ADGRV1: variants seen among roughly 807,000 people sequenced by gnomAD.
ADGRV1 encodes adhesion G protein-coupled receptor V1, also known as G-protein coupled receptor 98.
A neutral mutation model predicts 596.2 loss-of-function variants in ADGRV1; 359 were observed. The ratio of observed to expected loss-of-function variants is 0.60; its 90% CI spans 0.55 to 0.66. The LOEUF (loss-of-function observed/expected upper bound fraction) is 0.66. ADGRV1 is among the 30% of genes least tolerant of loss of function. The pLI is 0.00. For missense variants in ADGRV1, 7,274 were observed against 7,575.6 expected (o/e 0.96, Z 1.48); for synonymous variants, 2,681 against 2,679.2 (o/e 1.00, Z -0.02).
intron 25 of ADGRV1, among the ~76,000 whole-genome samples, chr5:90,677,043 G>A (rs1397728329): frequency 1.3e-5 from 2 of 152,062 alleles, no homozygotes; most frequent in Non-Finnish European, 2.9e-5. Context: ...GAATACATAC[G>A]ATATGCATTG....
intron 27 of ADGRV1, among the ~76,000 whole-genome samples, chr5:90,681,825 A>T (rs10045394): frequency 1.5e-5 from 2 of 134,634 alleles, no homozygotes; most frequent in Non-Finnish European, 3.3e-5. Context: ...TCCCTCCCTC[A>T]CTCCGTCCCT....
chr5:90,635,308 T>C lies in ADGRV1; in HGVS notation c.2016+18T>C, dbSNP rs2149402107. 1 of 1,595,906 alleles carries C rather than the reference T, an allele frequency of 6.3e-7. No homozygotes were observed. The highest frequency in any genetic ancestry group is 8.5e-7 in the Non-Finnish European group (1 of 1,171,134). On this transcript the variant is annotated intron_variant, in intron 10 of 89. Transcript: ENST00000405460. Reference sequence around the variant, plus strand: ...CTGAAGTGGTAAGTAGGCTCTTTCTTACTGATGGGGGCTAATGAGTATGAA... The same window carrying C: ...CTGAAGTGGTAAGTAGGCTCTTTCTCACTGATGGGGGCTAATGAGTATGAA...
rs193065013 is a variant in ADGRV1 at position 91,154,494 on chromosome 5, G to A, written c.18802+1096G>A. On this transcript the variant is annotated intron_variant, in intron 89 of 89. Transcript: ENST00000405460. Reference sequence around the variant, plus strand: ...CCTTCCCAAGGTTACATAGTTAAGCGGCGGCGCAAAGCAGATGCAGGCCGC... The same window carrying A: ...CCTTCCCAAGGTTACATAGTTAAGCAGCGGCGCAAAGCAGATGCAGGCCGC... 5.4e-3 allele frequency among the ~76,000 whole-genome samples: 828 copies of A among 152,208 alleles called. 9 individuals carry two copies. Among genetic ancestry groups the A allele is most frequent in the African/African-American group, 0.019 (791 of 41,520 alleles).
rs368204389 is a variant in ADGRV1, at chr5:90,993,411, C to A, written c.18152+7889C>A. Among the ~76,000 whole-genome samples the A allele has an allele frequency of 2.5e-4, 38 of 152,148 alleles. 3 individuals are homozygous for A. In the South Asian group the frequency reaches 7.7e-3, roughly 31 times the overall value. ...TGATCTTGTGATCCACCCACCTCAG[C>A]CTCCCAAAGTGCTGGCATTACAGGC... On this transcript the variant is annotated intron_variant, in intron 85 of 89. Coordinates refer to ENST00000405460, the MANE Select transcript of ADGRV1 (RefSeq NM_032119.4).
intron 84 of ADGRV1, among the ~76,000 whole-genome samples, chr5:90,981,067 C>T (rs1018709993): frequency 2.0e-5 from 3 of 152,148 alleles, no homozygotes; most frequent in South Asian, 4.1e-4. Context: ...GATACAGCCT[C>T]AGGAGGTCCT....
chr5:91,085,699 A>G (rs1789807880), intron 86 of ADGRV1, among the ~76,000 whole-genome samples: 1 of 152,172 alleles, frequency 6.6e-6, no homozygotes, highest in African/African-American at 2.4e-5. Flanking sequence ...TGTTTCATTG[A>G]ATTTTCCACA....
chr5:91,028,887 C>A (rs1784253482), intron 85 of ADGRV1, among the ~76,000 whole-genome samples: 1 of 151,872 alleles, frequency 6.6e-6, no homozygotes, highest in South Asian at 2.1e-4. Context: ...TACAGGTGCA[C>A]CTCACCATGT....
At chr5:90,565,144 A>G (rs372892320) in intron 1 of ADGRV1, among the ~76,000 whole-genome samples, 19 of 152,174 alleles carry the variant, frequency 1.2e-4, no homozygotes, top group African/African-American at 4.3e-4. Flanking sequence ...GGCTGAGTCA[A>G]GAGAATCGTT....
intron 85 of ADGRV1, among the ~76,000 whole-genome samples, chr5:91,050,495 T>A (rs1047860866): frequency 1.3e-5 from 2 of 152,242 alleles, no homozygotes; most frequent in African/African-American, 2.4e-5. Flanking sequence ...TGCATTTTCA[T>A]ATTTTCTGTA....
Position 90,704,487 on chromosome 5 carries a change from A to C in ADGRV1, c.8385A>C (p.Gln2795His). ...TCATTCTGTATGATGTCAGGACACA[A>C]GGTAATTCAGAATTTAATTTTAATT... Reference protein sequence around the residue: ...YQVILYDVRTQGVPPAGIALL... With the variant: ...YQVILYDVRTHGVPPAGIALL... The change falls in exon 36 of 90, where the codon CAA (glutamine) becomes CAC (histidine). Residue 2795 changes from glutamine to histidine, a missense_variant and splice_region_variant. By Grantham distance (24) the Gln-to-His change is conservative. Around this residue, in one of 5 missense-constraint regions of ADGRV1, gnomAD observed 3,643 missense variants for 3,809.2 expected, o/e 0.96. Coordinates refer to ENST00000405460, the MANE Select transcript of ADGRV1 (RefSeq NM_032119.4). 6.6e-7 allele frequency: 1 copy of C among 1,512,708 alleles called. No homozygotes were observed. Among genetic ancestry groups the C allele is most frequent in the Non-Finnish European group, 9.0e-7 (1 of 1,112,212 alleles). The allele number at this position is 1,512,708 out of a possible 1,614,324, so 93.7% of individuals were successfully genotyped here.
intron 83 of ADGRV1, among the ~76,000 whole-genome samples, chr5:90,937,648 G>C (rs1246980377): frequency 6.6e-6 from 1 of 151,996 alleles, no homozygotes; most frequent in African/African-American, 2.4e-5. Context: ...TAGTAGAGAC[G>C]GGGTTTCACC....
intron 85 of ADGRV1, among the ~76,000 whole-genome samples, chr5:91,007,238 C>A (rs185710044): frequency 6.6e-6 from 1 of 152,214 alleles, no homozygotes; most frequent in Non-Finnish European, 1.5e-5. Context: ...GGCCCTGACA[C>A]TTAAACTTCA....
chr5:91,150,151 G>T lies in ADGRV1; in HGVS notation c.18554G>T (p.Gly6185Val). ...PGPSTAFFTP[G>V]SGMPPAGGEI... ...CCCAGCACAGCCTTTTTCACGCCCG[G>T]GAGTGGAATGCCTCCTGCTGGAGGG... The change falls in exon 88 of 90, where the codon GGG becomes GTG. Residue 6185 changes from glycine (G) to valine (V), a missense_variant. By Grantham distance (109) the Gly-to-Val change is moderately radical. Around this residue, in one of 5 missense-constraint regions of ADGRV1, gnomAD observed 1,874 missense variants for 1,970.2 expected, o/e 0.95. Coordinates refer to ENST00000405460, the MANE Select transcript of ADGRV1 (RefSeq NM_032119.4). The T allele has an allele frequency of 6.3e-7, 1 of 1,595,370 alleles. No homozygotes were observed. Among genetic ancestry groups the T allele is most frequent in the Non-Finnish European group, 8.5e-7 (1 of 1,172,250 alleles).
intron 85 of ADGRV1, among the ~76,000 whole-genome samples, chr5:91,033,966 T>C (rs1439635005): frequency 6.6e-6 from 1 of 152,226 alleles, no homozygotes; most frequent in Non-Finnish European, 1.5e-5. Flanking sequence ...ACATTGTTCA[T>C]TTAACATTTC....
chr5:90,628,438 A>AT (rs1765082915), intron 7 of ADGRV1, 124 bp from the exon 8 acceptor site: 2 of 790,688 alleles, frequency 2.5e-6, no homozygotes, highest in African/African-American at 3.5e-5. Context: ...CAAATCAGTT[A>AT]TTTTTTTGTT....
chr5:90,953,088 G>GA (rs1159468133), intron 83 of ADGRV1, among the ~76,000 whole-genome samples: 2 of 152,102 alleles, frequency 1.3e-5, no homozygotes, highest in Non-Finnish European at 2.9e-5. Context: ...AAAGCCATGT[G>GA]AAAAAATCTC....
chr5:91,156,387 A>C (rs866431478), intron 89 of ADGRV1, among the ~76,000 whole-genome samples: 1 of 152,126 alleles, frequency 6.6e-6, no homozygotes, highest in Non-Finnish European at 1.5e-5. Context: ...AACAAAGAGG[A>C]AGGAGTTTCA....
At chr5:90,919,452 G>C (rs146791168) in intron 83 of ADGRV1, among the ~76,000 whole-genome samples, 1 of 152,094 alleles carries the variant, frequency 6.6e-6, no homozygotes, top group Non-Finnish European at 1.5e-5. Flanking sequence ...CTTCTAATTT[G>C]TTCACTTTAT....
chr5:90,843,991 G>C (rs1765651439), intron 78 of ADGRV1, among the ~76,000 whole-genome samples: 2 of 152,060 alleles, frequency 1.3e-5, no homozygotes, highest in Non-Finnish European at 2.9e-5. Flanking sequence ...ATAAAAAGAA[G>C]GAATGCTCAG....
Sources: gnomAD v4.1 joint callset for allele counts (sites outside exome capture counted in the v4.1 genomes callset) on GRCh38, gnomAD v4.1.1 for gene constraint, gnomAD v4.1.1 regional missense constraint, MANE v1.5 for transcripts, NCBI Gene and HGNC (gene_info 2026-07-23, HGNC 2026-07-21) for gene names.